The following GNG4 variants were observed in gnomAD, a reference collection of about 807,000 sequenced individuals.
The protein encoded by GNG4 is G protein subunit gamma 4, also known as guanine nucleotide-binding protein G(I)/G(S)/G(O) subunit gamma-4.
A neutral mutation model predicts 5.8 loss-of-function variants in GNG4; 4 were observed. That is an observed-to-expected ratio of 0.69 (90% CI 0.34 to 1.57). The LOEUF (loss-of-function observed/expected upper bound fraction) is 1.57, where lower values mean the gene tolerates loss of function less well. GNG4 is among the 40% of genes most tolerant of loss of function. The probability of loss-of-function intolerance (pLI) is 0.06; values close to 1 mark genes in which losing one functional copy is unlikely to be tolerated. For missense variants in GNG4, 96 were observed against 95.1 expected (o/e 1.01, Z -0.04); for synonymous variants, 29 against 32.9 (o/e 0.88, Z 0.41).
chr1:235,554,871 G>A (rs1486452750), intron 3 of GNG4, among the ~76,000 whole-genome samples: 5 of 147,512 alleles, frequency 3.4e-5, no homozygotes, highest in Non-Finnish European at 7.4e-5. Context: ...AAAAAAGAAC[G>A]TCTCGTCTGA....
chr1:235,646,557 G>A (rs1309525979), intron 1 of GNG4, among the ~76,000 whole-genome samples: 2 of 152,094 alleles, frequency 1.3e-5, no homozygotes, highest in Admixed American at 6.5e-5. Context: ...TCCGATCCTC[G>A]GAGACTGGGC....
intron 2 of GNG4, among the ~76,000 whole-genome samples, chr1:235,592,542 C>T (rs1484046489): frequency 1.3e-5 from 2 of 152,038 alleles, no homozygotes; most frequent in African/African-American, 4.8e-5. Context: ...CCTGAGGGTC[C>T]TGGAGGGAGT....
intron 2 of GNG4, among the ~76,000 whole-genome samples, chr1:235,588,291 TCAGGCCCTC>T (rs534071722): frequency 2.5e-3 from 373 of 152,144 alleles, no homozygotes; most frequent in Non-Finnish European, 4.2e-3. Flanking sequence ...GGCCTCCCTC[TCAGGCCCTC>T]CATGTGCGTC....
intron 2 of GNG4, among the ~76,000 whole-genome samples, chr1:235,593,074 G>A (rs1024224718): frequency 1.3e-5 from 2 of 151,672 alleles, no homozygotes; most frequent in African/African-American, 4.9e-5. Context: ...TCAGCCTCCT[G>A]AGTAGTTGGG....
intron 2 of GNG4, among the ~76,000 whole-genome samples, chr1:235,587,641 G>A (rs796408214): frequency 0.32 from 2,075 of 6,412 alleles, 886 homozygotes; most frequent in East Asian, 0.74. Context: ...TGGAGTGTGA[G>A]TGTGGGAGGG....
chr1:235,592,719 G>A (rs900791484), intron 2 of GNG4, among the ~76,000 whole-genome samples: 7 of 152,054 alleles, frequency 4.6e-5, no homozygotes, highest in African/African-American at 1.7e-4. Flanking sequence ...CTGTGCAACC[G>A]CCATGTGTCG....
chr1:235,585,725 G>A (rs1384444548), intron 2 of GNG4, among the ~76,000 whole-genome samples: 2 of 152,076 alleles, frequency 1.3e-5, no homozygotes, highest in Non-Finnish European at 2.9e-5. Flanking sequence ...ATATTATTGT[G>A]GGGGTGTGTC....
rs945417020 is a variant in GNG4, at chr1:235,644,781, T to A, written c.-123+4881A>T. On this transcript the variant is annotated intron_variant, in intron 1 of 3. Transcript: ENST00000391854. This position sits in a 1 kb window ranked among gnomAD's most constrained non-coding sequence, Gnocchi z 5.9. ...CTGCTGGAAATTTCCATCCAGGGTC[T>A]GTGCAGGGCGGGTACCCCAGAGCCG... Among the ~76,000 whole-genome samples the A allele has an allele frequency of 1.3e-5, 2 of 152,208 alleles. No individual in the cohort carries two copies. The highest frequency in any genetic ancestry group is 2.9e-5 in the Non-Finnish European group (2 of 68,018).
chr1:235,554,521 C>T (rs1017663417), intron 3 of GNG4, among the ~76,000 whole-genome samples: 1 of 152,204 alleles, frequency 6.6e-6, no homozygotes, highest in Non-Finnish European at 1.5e-5. Context: ...AGGCCCCTGA[C>T]TCCAGTGAGC....
At chr1:235,625,833 C>T (rs1688798264) in intron 1 of GNG4, among the ~76,000 whole-genome samples, 1 of 152,180 alleles carries the variant, frequency 6.6e-6, no homozygotes, top group South Asian at 2.1e-4. Context: ...TATCCATTCA[C>T]CTACTGAAGA....
At chr1:235,618,656 TTTTG>T (rs1688647332) in intron 1 of GNG4, among the ~76,000 whole-genome samples, 1 of 150,346 alleles carries the variant, frequency 6.7e-6, no homozygotes, top group South Asian at 2.1e-4. Flanking sequence ...TTTTTAATCT[TTTTG>T]TTTTTTTTTT....
chr1:235,607,194 G>A (rs1186030701), intron 1 of GNG4, among the ~76,000 whole-genome samples: 20 of 151,926 alleles, frequency 1.3e-4, no homozygotes, highest in Admixed American at 1.2e-3. Flanking sequence ...TGATCCCCCC[G>A]CCTTGGCCTC....
intron 1 of GNG4, among the ~76,000 whole-genome samples, chr1:235,622,065 A>G (rs1017803691): frequency 2.6e-5 from 4 of 152,230 alleles, no homozygotes; most frequent in African/African-American, 9.6e-5. Context: ...AATGATTTGT[A>G]AGATTCTATA....
intron 1 of GNG4, among the ~76,000 whole-genome samples, chr1:235,643,352 G>GTGC (rs1179343607): frequency 5.3e-5 from 8 of 152,130 alleles, no homozygotes; most frequent in Non-Finnish European, 7.3e-5. Flanking sequence ...GCCAGCTCAA[G>GTGC]ACTCCCTCTG....
intron 3 of GNG4, among the ~76,000 whole-genome samples, chr1:235,553,145 C>A (rs1572604943): frequency 6.6e-6 from 1 of 152,172 alleles, no homozygotes; most frequent in Non-Finnish European, 1.5e-5. Context: ...CATTTCTTTC[C>A]AGGCTTATCT....
chr1:235,610,783 T>TA (rs556568653), intron 1 of GNG4, among the ~76,000 whole-genome samples: 2,279 of 151,968 alleles, frequency 0.015, 46 homozygotes, highest in African/African-American at 0.048. Context: ...TCTGTCAAGA[T>TA]AAAAAAAAGC....
At chr1:235,603,594 G>A (rs560830407) in intron 1 of GNG4, among the ~76,000 whole-genome samples, 1 of 152,280 alleles carries the variant, frequency 6.6e-6, no homozygotes, top group South Asian at 2.1e-4. Flanking sequence ...ATTAAGTACT[G>A]TGATAGGCAA....
chr1:235,613,360 A>T (rs988984015), intron 1 of GNG4, among the ~76,000 whole-genome samples: 31 of 152,028 alleles, frequency 2.0e-4, no homozygotes, highest in African/African-American at 7.5e-4. Context: ...TCTGTGTCCT[A>T]CTCCCCAGAA....
At chr1:235,602,150 T>C (rs1449742891) in intron 1 of GNG4, among the ~76,000 whole-genome samples, 4 of 152,158 alleles carry the variant, frequency 2.6e-5, no homozygotes, top group African/African-American at 9.7e-5. Context: ...CAGGTGCCTA[T>C]AATTCCAGCT....
Sources: allele counts gnomAD v4.1 joint callset (sites outside exome capture counted in the v4.1 genomes callset), GRCh38; gene constraint gnomAD v4.1.1; non-coding constraint Gnocchi (gnomAD v3.1); transcripts MANE v1.5; gene names NCBI Gene and HGNC (gene_info 2026-07-23, HGNC 2026-07-21).